The following NFAM1 variants were observed in gnomAD, a reference collection of about 807,000 sequenced individuals.
The protein encoded by NFAM1 is NFAT activating protein with ITAM motif 1.
NFAM1 carries 17 observed loss-of-function variants against 29.0 expected under a neutral mutation model. The observed-to-expected ratio is 0.59, with a 90% CI of 0.40 to 0.88. The LOEUF (loss-of-function observed/expected upper bound fraction) is 0.88. Among genes scored for constraint, NFAM1 ranks in the 40% least tolerant of loss-of-function variants. NFAM1 has a pLI of 0.00. For synonymous variants in NFAM1, 175 were observed against 147.2 expected (o/e 1.19, Z -1.36); for missense variants, 324 against 344.6 (o/e 0.94, Z 0.47).
At chr22:42,392,047 C>T (rs1171473874) in intron 4 of NFAM1, among the ~76,000 whole-genome samples, 1 of 150,652 alleles carries the variant, frequency 6.6e-6, no homozygotes, top group African/African-American at 2.4e-5. Context: ...GATGTCTGGG[C>T]TGGAAATATA....
chr22:42,386,666 G>A (rs1929156997), intron 5 of NFAM1, among the ~76,000 whole-genome samples: 1 of 152,142 alleles, frequency 6.6e-6, no homozygotes. Flanking sequence ...GGCACAGCTG[G>A]GTCCCAGGCA....
At chr22:42,393,178 A>G (rs1336639047) in intron 4 of NFAM1, among the ~76,000 whole-genome samples, 1 of 152,208 alleles carries the variant, frequency 6.6e-6, no homozygotes, top group Non-Finnish European at 1.5e-5. Flanking sequence ...ACAATAATTA[A>G]AAGAAGAAAT....
Position 42,384,652 on chromosome 22 carries a change from C to T in NFAM1, c.*509G>A, listed in dbSNP as rs969863236. 3 of 170,990 alleles carry T rather than the reference C, an allele frequency of 1.8e-5. No homozygotes were observed. The highest frequency in any genetic ancestry group is 3.8e-5 in the Non-Finnish European group (3 of 79,224). 10.6% of individuals were successfully genotyped at this position (170,990 alleles called of 1,614,324 possible). On this transcript the variant is annotated 3_prime_UTR_variant, in exon 6 of 6. Coordinates refer to ENST00000329021, the MANE Select transcript of NFAM1 (RefSeq NM_145912.8). ...CTGCTCCCACCCTGCCTGGCTGCCT[C>T]GTGCCTCTGGCCCAGCTGGGTAGGT...
At chr22:42,435,331 T>A (rs546878719), upstream of NFAM1, among the ~76,000 whole-genome samples, 1 of 147,456 alleles carries the variant, frequency 6.8e-6, no homozygotes, top group East Asian at 1.9e-4. Flanking sequence ...GGCCTCTGTT[T>A]TCTTTTTCTT....
At chr22:42,430,984 A>G (rs1207055119) in intron 1 of NFAM1, among the ~76,000 whole-genome samples, 1 of 152,050 alleles carries the variant, frequency 6.6e-6, no homozygotes, top group Non-Finnish European at 1.5e-5. Flanking sequence ...ATTAAAGGAG[A>G]TGGTGTCCTA....
Position 42,399,446 on chromosome 22 carries a change from C to CAA in NFAM1, c.565-1492_565-1491dup, listed in dbSNP as rs71311432. ...TGGGAGACAGAGCGAGATCCCATCT[C>CAA]AAAAAAAAAAAAAAAAAGAAAGAAA... On this transcript the variant is annotated intron_variant, in intron 3 of 5. Transcript: ENST00000329021. Among the ~76,000 whole-genome samples the CAA allele has an allele frequency of 9.7e-4, 65 of 66,806 alleles. 2 individuals are homozygous for CAA. Among genetic ancestry groups the CAA allele is most frequent in the Non-Finnish European group, 1.1e-3 (40 of 36,846 alleles). 43.8% of individuals were successfully genotyped at this position (66,806 alleles called of 152,430 possible). A position where few individuals can be genotyped will look rare whatever the true frequency, so the allele number is the denominator to read the frequency against.
intron 1 of NFAM1, among the ~76,000 whole-genome samples, chr22:42,414,180 A>G (rs1349954182): frequency 2.0e-5 from 3 of 152,174 alleles, no homozygotes; most frequent in Non-Finnish European, 2.9e-5. Flanking sequence ...CTTGTAATTG[A>G]CATAACGACA....
chr22:42,437,452 A>T, the NFAM1 span, among the ~76,000 whole-genome samples: 2 of 151,988 alleles, frequency 1.3e-5, no homozygotes, highest in African/African-American at 4.8e-5. Flanking sequence ...CACAATTTTC[A>T]ACATTTATTC....
At chr22:42,412,140 G>A (rs1930116433) in intron 1 of NFAM1, among the ~76,000 whole-genome samples, 2 of 152,050 alleles carry the variant, frequency 1.3e-5, no homozygotes, top group African/African-American at 4.8e-5. Flanking sequence ...ACTGACGCAG[G>A]AGAATCGCTT....
chr22:42,402,548 G>C (rs1350844958), intron 3 of NFAM1, among the ~76,000 whole-genome samples: 1 of 152,194 alleles, frequency 6.6e-6, no homozygotes, highest in Non-Finnish European at 1.5e-5. Flanking sequence ...GCTGCCTATG[G>C]GGTGGGACAG....
chr22:42,436,899 G>A, upstream of NFAM1: 1 of 525,064 alleles, frequency 1.9e-6, no homozygotes. Context: ...TTTAATCAGG[G>A]CAGATATTAT....
upstream of NFAM1, chr22:42,432,508 G>T: frequency 9.0e-7 from 1 of 1,111,704 alleles, no homozygotes; most frequent in Non-Finnish European, 1.2e-6. Context: ...CAGCAGGGTG[G>T]CCGCCAGATG....
At chr22:42,417,527 A>G (rs9623587) in intron 1 of NFAM1, among the ~76,000 whole-genome samples, 1,640 of 151,822 alleles carry the variant, frequency 0.011, 26 homozygotes, top group African/African-American at 0.037. Flanking sequence ...CCACTTAGAG[A>G]GTTTAGGAGG....
At chr22:42,431,775 T>TCCCCC (rs34684252) in intron 1 of NFAM1, among the ~76,000 whole-genome samples, 1 of 146,694 alleles carries the variant, frequency 6.8e-6, no homozygotes, top group African/African-American at 2.6e-5. Flanking sequence ...GGCCCTGGTA[T>TCCCCC]CCCCCCCTCC....
At chr22:42,412,870 T>C (rs1015892070) in intron 1 of NFAM1, among the ~76,000 whole-genome samples, 17 of 152,188 alleles carry the variant, frequency 1.1e-4, no homozygotes, top group African/African-American at 4.1e-4. Context: ...GATCATGATG[T>C]CAATGACCAT....
intron 4 of NFAM1, among the ~76,000 whole-genome samples, chr22:42,397,355 C>T (rs147637676): frequency 4.4e-4 from 67 of 152,324 alleles, no homozygotes; most frequent in Middle Eastern, 3.4e-3. Context: ...CGCATGTCTG[C>T]GCTGTGATTG....
intron 1 of NFAM1, 90 bp from the exon 2 acceptor site, chr22:42,411,826 G>A (rs746875398): frequency 2.6e-5 from 22 of 842,796 alleles, no homozygotes; most frequent in Non-Finnish European, 3.3e-5. Context: ...GACCGGGTGC[G>A]GTGGCTCACA....
At chr22:42,406,640 C>T (rs1005288600) in intron 3 of NFAM1, among the ~76,000 whole-genome samples, 6 of 152,192 alleles carry the variant, frequency 3.9e-5, no homozygotes, top group African/African-American at 1.4e-4. Context: ...ATTCCCATGC[C>T]GACCTCCCTT....
chr22:42,400,086 C>A (rs748647048), intron 3 of NFAM1, among the ~76,000 whole-genome samples: 2 of 152,204 alleles, frequency 1.3e-5, no homozygotes, highest in Non-Finnish European at 2.9e-5. Flanking sequence ...CGAGGCCACG[C>A]AGCCAGGAAG....
Sources: allele counts gnomAD v4.1 joint callset (sites outside exome capture counted in the v4.1 genomes callset), GRCh38; gene constraint gnomAD v4.1.1; transcripts MANE v1.5; gene names NCBI Gene and HGNC (gene_info 2026-07-23, HGNC 2026-07-21).